The following PARD3 variants were observed in gnomAD, a reference collection of about 807,000 sequenced individuals.
PARD3 encodes partitioning defective 3 homolog.
PARD3 carries 75 observed loss-of-function variants against 155.4 expected under a neutral mutation model. The observed-to-expected ratio is 0.48, with a 90% CI of 0.40 to 0.58. The LOEUF is 0.58. PARD3 is among the 20% of genes least tolerant of loss of function. The pLI is 0.00. For missense variants in PARD3, 1,642 were observed against 1,721.7 expected, an observed-to-expected ratio of 0.95 and a Z score of 0.82; for synonymous variants, 576 against 610.5, an observed-to-expected ratio of 0.94 and a Z score of 0.83.
At chr10:34,133,678 T>C (rs1440842293) in intron 22 of PARD3, among the ~76,000 whole-genome samples, 1 of 152,200 alleles carries the variant, frequency 6.6e-6, no homozygotes, top group Non-Finnish European at 1.5e-5. Flanking sequence ...AGAGAAATTC[T>C]GTCACAGTAG....
intron 2 of PARD3, among the ~76,000 whole-genome samples, chr10:34,655,917 CTG>C (rs2093155293): frequency 6.6e-6 from 1 of 152,146 alleles, no homozygotes; most frequent in Non-Finnish European, 1.5e-5. Flanking sequence ...GCAGGAGACA[CTG>C]AGATTTCTGA....
At chr10:34,696,245 G>C (rs187721697) in intron 2 of PARD3, 73 bp downstream of exon 2, 1 of 789,466 alleles carries the variant, frequency 1.3e-6, no homozygotes, top group East Asian at 2.5e-5. Flanking sequence ...GAAAGGAAAA[G>C]AATCGCACCC....
At chr10:34,574,085 A>T (rs973772031) in intron 2 of PARD3, among the ~76,000 whole-genome samples, 1 of 152,034 alleles carries the variant, frequency 6.6e-6, no homozygotes, top group Non-Finnish European at 1.5e-5. Context: ...ATTCTATAAG[A>T]ATTCAGGTAC....
At chr10:34,814,837 G>GCCC in intron 1 of PARD3, 39 bp downstream of exon 1, 1 of 605,568 alleles carries the variant, frequency 1.7e-6, no homozygotes. Flanking sequence ...CGCCGTCCCC[G>GCCC]CCGCCGCCCC....
At chr10:34,338,775 T>G (rs1299209089) in intron 16 of PARD3, among the ~76,000 whole-genome samples, 1 of 152,158 alleles carries the variant, frequency 6.6e-6, no homozygotes, top group Non-Finnish European at 1.5e-5. Flanking sequence ...TAGGGTGACT[T>G]GAAATGTTTT....
At chr10:34,811,298 C>A (rs1844138800) in intron 1 of PARD3, among the ~76,000 whole-genome samples, 1 of 152,190 alleles carries the variant, frequency 6.6e-6, no homozygotes, top group African/African-American at 2.4e-5. Flanking sequence ...TCCTGACCCC[C>A]TGGGCTGAAT....
chr10:34,702,902 A>T (rs1387775391), intron 1 of PARD3, among the ~76,000 whole-genome samples: 1 of 152,194 alleles, frequency 6.6e-6, no homozygotes, highest in Non-Finnish European at 1.5e-5. Context: ...CAAAACAAAT[A>T]GTAAACACAA....
chr10:34,744,525 G>C (rs1835061379), intron 1 of PARD3, among the ~76,000 whole-genome samples: 1 of 152,244 alleles, frequency 6.6e-6, no homozygotes, highest in Admixed American at 6.5e-5. Flanking sequence ...CAGCAACTAA[G>C]TGAGCATAAA....
intron 22 of PARD3, among the ~76,000 whole-genome samples, chr10:34,215,355 AAAGT>A (rs1236853256): frequency 1.3e-5 from 2 of 152,234 alleles, no homozygotes; most frequent in African/African-American, 4.8e-5. Context: ...TACCTGTAAT[AAAGT>A]AAGGGAGATA....
chr10:34,111,508 G>C lies in PARD3; in HGVS notation c.3723C>G (p.Tyr1241Ter). 1 of 1,613,840 alleles carries C rather than the reference G, an allele frequency of 6.2e-7. No homozygotes were observed. The highest frequency in any genetic ancestry group is 8.5e-7 in the Non-Finnish European group (1 of 1,179,830). Reference sequence around the variant, plus strand: ...CACTCTGGAAGCCTTCCCCAGGGGAGTAGTTCTGCTCCCAAGAGTCCTGGG... The same window carrying C: ...CACTCTGGAAGCCTTCCCCAGGGGACTAGTTCTGCTCCCAAGAGTCCTGGG... Reference protein sequence around the residue: ...SVSQDSWEQNYSPGEGFQSAK... With the variant: ...SVSQDSWEQN Residue 1241 changes from tyrosine to a stop codon, truncating the protein, a stop_gained, in exon 25 of 25, where the codon TAC becomes TAG. Coordinates refer to ENST00000374788, the MANE Select transcript of PARD3 (RefSeq NM_001184785.2). LOFTEE classifies it high-confidence loss of function.
chr10:34,347,590 G>A (rs1315129852), intron 15 of PARD3, among the ~76,000 whole-genome samples: 1 of 152,144 alleles, frequency 6.6e-6, no homozygotes, highest in Non-Finnish European at 1.5e-5. Context: ...TGAATGATAT[G>A]TAACTTTTGA....
chr10:34,790,660 T>TA (rs1197061954), intron 1 of PARD3, among the ~76,000 whole-genome samples: 4 of 152,356 alleles, frequency 2.6e-5, no homozygotes, highest in African/African-American at 7.2e-5. Context: ...GCTGAGTTGA[T>TA]AAAAAATTTT....
At chr10:34,795,571 C>T (rs1241869188) in intron 1 of PARD3, among the ~76,000 whole-genome samples, 2 of 152,066 alleles carry the variant, frequency 1.3e-5, no homozygotes, top group Non-Finnish European at 2.9e-5. Context: ...GACTGCACCA[C>T]TGTACTCCAG....
intron 4 of PARD3, among the ~76,000 whole-genome samples, chr10:34,456,353 G>A (rs573777203): frequency 1.3e-5 from 2 of 152,204 alleles, no homozygotes; most frequent in South Asian, 2.1e-4. Flanking sequence ...CTGGAGTGCA[G>A]TGGCTCAATC....
intron 1 of PARD3, among the ~76,000 whole-genome samples, chr10:34,741,174 A>ATTTTTTT (rs71033345): frequency 0.25 from 28,387 of 112,602 alleles, 4,141 homozygotes; most frequent in Non-Finnish European, 0.33. Context: ...CGTAAACCAA[A>ATTTTTTT]TTTTTTTTTT....
intron 22 of PARD3, among the ~76,000 whole-genome samples, chr10:34,246,180 G>C (rs569274633): frequency 6.6e-6 from 1 of 152,338 alleles, no homozygotes; most frequent in African/African-American, 2.4e-5. Context: ...AGGGGTTTAA[G>C]AGTAAGAATG....
At position 34,793,419 on chromosome 10, in the gene PARD3, C is replaced by T. The variant is rs73259187; in HGVS notation, c.120+21457G>A. 3.4e-3 allele frequency among the ~76,000 whole-genome samples: 515 copies of T among 152,204 alleles called. 1 individual carries two copies. The highest frequency in any genetic ancestry group is 0.012 in the African/African-American group (492 of 41,550). ...GTTTTCAGGCTGATAAATTTGAATTCTACTTGGAAAACCACACAGAACCCA... is the reference window on the plus strand; with the variant it reads ...GTTTTCAGGCTGATAAATTTGAATTTTACTTGGAAAACCACACAGAACCCA... On this transcript the variant is annotated intron_variant, in intron 1 of 24. Coordinates refer to ENST00000374788, the MANE Select transcript of PARD3 (RefSeq NM_001184785.2).
intron 2 of PARD3, among the ~76,000 whole-genome samples, chr10:34,688,225 T>C (rs2093985260): frequency 6.6e-6 from 1 of 152,166 alleles, no homozygotes; most frequent in Non-Finnish European, 1.5e-5. Context: ...ATCCCAAGTA[T>C]TTTTATTCTG....
chr10:34,496,210 G>A (rs1589779158), intron 3 of PARD3, among the ~76,000 whole-genome samples: 1 of 146,936 alleles, frequency 6.8e-6, no homozygotes, highest in Non-Finnish European at 1.5e-5. Context: ...TCTCAAAAGG[G>A]AAGAAGAAGA....
Sources: allele counts gnomAD v4.1 joint callset (sites outside exome capture counted in the v4.1 genomes callset), GRCh38; gene constraint gnomAD v4.1.1; transcripts MANE v1.5; gene names NCBI Gene and HGNC (gene_info 2026-07-23, HGNC 2026-07-21).